Variants in DGKI observed in about 807,000 individuals in gnomAD.
DGKI encodes the protein DAG kinase iota.
A neutral mutation model predicts 147.5 loss-of-function variants in DGKI; 55 were observed. That is an observed-to-expected ratio of 0.37 (90% CI 0.30 to 0.47). The LOEUF is 0.47. DGKI is among the 20% of genes least tolerant of loss of function. The pLI, the probability that DGKI is intolerant of heterozygous loss-of-function variation, is 1.00. For synonymous variants in DGKI, 469 were observed against 477.1 expected, an observed-to-expected ratio of 0.98 and a Z score of 0.22; for missense variants, 1,007 against 1,323.8, an observed-to-expected ratio of 0.76 and a Z score of 3.71.
chr7:137,819,313 A>AT (rs368399753), intron 1 of DGKI, among the ~76,000 whole-genome samples: 63,146 of 143,632 alleles, frequency 0.44, 15,160 homozygotes, highest in East Asian at 0.83. Context: ...CTACAAGGGA[A>AT]TTTTTTTTTT....
At chr7:137,396,153 G>A (rs370090540) in intron 31 of DGKI, among the ~76,000 whole-genome samples, 2 of 152,230 alleles carry the variant, frequency 1.3e-5, no homozygotes, top group Non-Finnish European at 1.5e-5. Context: ...ATGGCCACTC[G>A]GCCTGCAGTG....
At chr7:137,724,245 C>A (rs550701991) in intron 1 of DGKI, among the ~76,000 whole-genome samples, 1 of 152,206 alleles carries the variant, frequency 6.6e-6, no homozygotes, top group Admixed American at 6.5e-5. Flanking sequence ...GCTGGAGAGG[C>A]ATCTGGGGCC....
At chr7:137,697,587 T>C (rs544382191) in intron 1 of DGKI, among the ~76,000 whole-genome samples, 1 of 152,348 alleles carries the variant, frequency 6.6e-6, no homozygotes, top group East Asian at 1.9e-4. Flanking sequence ...TCTTTCGGTC[T>C]ATAAAATCAT....
chr7:137,600,113 G>A (rs546918477), intron 10 of DGKI, among the ~76,000 whole-genome samples: 14 of 152,154 alleles, frequency 9.2e-5, no homozygotes, highest in African/African-American at 2.2e-4. Flanking sequence ...ACAAAATCCC[G>A]TCTCTACAAA....
At chr7:137,548,968 A>T (rs1049257028) in intron 20 of DGKI, among the ~76,000 whole-genome samples, 1 of 152,164 alleles carries the variant, frequency 6.6e-6, no homozygotes, top group Non-Finnish European at 1.5e-5. Flanking sequence ...CTCAATAAAT[A>T]AACAAATAAA....
intron 5 of DGKI, among the ~76,000 whole-genome samples, chr7:137,647,475 G>T (rs1821867019): frequency 6.6e-6 from 1 of 152,140 alleles, no homozygotes; most frequent in Admixed American, 6.6e-5. Flanking sequence ...AATATTACTG[G>T]TTCCCCCAAA....
At chr7:137,618,151 A>ATTTTTTTTTTTTTTTTTTTTTTT (rs1156891729) in intron 8 of DGKI, among the ~76,000 whole-genome samples, 1 of 10,450 alleles carries the variant, frequency 9.6e-5, no homozygotes, top group African/African-American at 1.3e-4. Flanking sequence ...ATATATATAT[A>ATTTTTTTTTTTTTTTTTTTTTTT]TTTTTTTTTT....
At chr7:137,633,858 T>C (rs1028216242) in intron 6 of DGKI, among the ~76,000 whole-genome samples, 2 of 152,268 alleles carry the variant, frequency 1.3e-5, no homozygotes, top group South Asian at 4.1e-4. Flanking sequence ...TTCTGAATGT[T>C]ATCCAGATCT....
In DGKI at chr7:137,643,290, C is replaced by CAAA. The variant is rs10541603; in HGVS notation, c.804+2179_804+2181dup. Among the ~76,000 whole-genome samples the CAAA allele has an allele frequency of 7.7e-3, 477 of 61,672 alleles. 36 individuals are homozygous for CAAA. The highest frequency in any genetic ancestry group is 0.033 in the African/African-American group (457 of 13,926). The allele number at this position is 61,672 out of a possible 152,430, so 40.5% of individuals were successfully genotyped here. A position where few individuals can be genotyped will look rare whatever the true frequency, so the allele number is the denominator to read the frequency against. On this transcript the variant is annotated intron_variant, in intron 6 of 32. Coordinates refer to ENST00000614521, the MANE Select transcript of DGKI (RefSeq NM_001321708.2). ...TGGGAGACACAGCGAGACTCCGTCTCAAAAAAAAAAAAAAAAAAAAAAAAA... is the reference window on the plus strand; with the variant it reads ...TGGGAGACACAGCGAGACTCCGTCTCAAAAAAAAAAAAAAAAAAAAAAAAAAAA...
chr7:137,525,295 C>T (rs960527287), intron 20 of DGKI, among the ~76,000 whole-genome samples: 2 of 152,166 alleles, frequency 1.3e-5, no homozygotes, highest in Non-Finnish European at 2.9e-5. Flanking sequence ...CAACAACCTA[C>T]AACAGTTTCC....
chr7:137,725,039 T>A (rs996764887), intron 1 of DGKI, among the ~76,000 whole-genome samples: 1 of 152,076 alleles, frequency 6.6e-6, no homozygotes, highest in African/African-American at 2.4e-5. Context: ...AAGCTCTTTA[T>A]ACAGAGGTGA....
chr7:137,506,789 T>A (rs1417845054), intron 21 of DGKI, among the ~76,000 whole-genome samples: 1 of 152,028 alleles, frequency 6.6e-6, no homozygotes, highest in African/African-American at 2.4e-5. Context: ...AAAAATAGTC[T>A]TAGTTAAAAA....
At chr7:137,534,545 G>A (rs1817453748) in intron 20 of DGKI, among the ~76,000 whole-genome samples, 1 of 151,916 alleles carries the variant, frequency 6.6e-6, no homozygotes, top group South Asian at 2.1e-4. Flanking sequence ...TACAGAAAGT[G>A]AATTTGGGTC....
At chr7:137,478,161 A>G (rs529008109) in intron 23 of DGKI, among the ~76,000 whole-genome samples, 1 of 152,348 alleles carries the variant, frequency 6.6e-6, no homozygotes, top group South Asian at 2.1e-4. Context: ...GGCAGATTGC[A>G]GAACACACAT....
intron 30 of DGKI, among the ~76,000 whole-genome samples, chr7:137,405,735 G>A (rs1811920592): frequency 6.6e-6 from 1 of 152,192 alleles, no homozygotes; most frequent in Admixed American, 6.5e-5. Flanking sequence ...TCACCCCTGG[G>A]AACCCCAGCA....
At chr7:137,828,019 T>C (rs1024829887) in intron 1 of DGKI, among the ~76,000 whole-genome samples, 2 of 152,222 alleles carry the variant, frequency 1.3e-5, no homozygotes, top group African/African-American at 2.4e-5. Flanking sequence ...CAGACATAAG[T>C]GCCCTCTCTC....
At chr7:137,760,547 G>C (rs1247970301) in intron 1 of DGKI, among the ~76,000 whole-genome samples, 1 of 152,080 alleles carries the variant, frequency 6.6e-6, no homozygotes, top group African/African-American at 2.4e-5. Flanking sequence ...TATCGGGAGG[G>C]TTTCTTTTCT....
intron 30 of DGKI, among the ~76,000 whole-genome samples, chr7:137,406,647 G>A (rs1168533306): frequency 9.9e-5 from 15 of 152,208 alleles, no homozygotes. Context: ...ATGACGGGAT[G>A]TGTTTACTAT....
intron 28 of DGKI, among the ~76,000 whole-genome samples, chr7:137,414,723 G>C (rs1158016647): frequency 6.6e-6 from 1 of 152,086 alleles, no homozygotes; most frequent in Non-Finnish European, 1.5e-5. Flanking sequence ...AACTCTACTA[G>C]GCTCTGCAAG....
Sources: allele counts gnomAD v4.1 joint callset (sites outside exome capture counted in the v4.1 genomes callset), GRCh38; gene constraint gnomAD v4.1.1; transcripts MANE v1.5; gene names NCBI Gene and HGNC (gene_info 2026-07-23, HGNC 2026-07-21).